LDAH: variants seen among roughly 807,000 people sequenced by gnomAD.
LDAH encodes lipid droplet-associated hydrolase.
A neutral mutation model predicts 29.6 loss-of-function variants in LDAH; 26 were observed. The ratio of observed to expected loss-of-function variants is 0.88; its 90% CI spans 0.64 to 1.22. The LOEUF (loss-of-function observed/expected upper bound fraction) is 1.22. Ranked by LOEUF, LDAH falls within the 50% of genes most tolerant of loss-of-function variation. The pLI is 0.00. For missense variants in LDAH, 344 were observed against 387.3 expected (o/e 0.89, Z 0.94); for synonymous variants, 117 against 133.0 (o/e 0.88, Z 0.83).
intron 4 of LDAH, among the ~76,000 whole-genome samples, chr2:20,761,948 AAAAATAG>A (rs1031159090): frequency 1.3e-5 from 2 of 151,950 alleles, no homozygotes; most frequent in African/African-American, 4.8e-5. Context: ...TTCAAAAATA[AAAAATAG>A]AAAAAAAAAA....
At chr2:20,743,253 A>G (rs1164389206) in intron 4 of LDAH, among the ~76,000 whole-genome samples, 2 of 150,592 alleles carry the variant, frequency 1.3e-5, no homozygotes, top group African/African-American at 4.9e-5. Flanking sequence ...AAAAAAAAAA[A>G]TTCTTCTAGT....
intron 6 of LDAH, among the ~76,000 whole-genome samples, chr2:20,690,530 A>C (rs1156292944): frequency 6.6e-6 from 1 of 152,228 alleles, no homozygotes; most frequent in African/African-American, 2.4e-5. Flanking sequence ...CTTGGCTTAC[A>C]AGTAAAACAC....
intron 5 of LDAH, among the ~76,000 whole-genome samples, chr2:20,704,226 T>C (rs1664152997): frequency 6.6e-6 from 1 of 152,202 alleles, no homozygotes; most frequent in Non-Finnish European, 1.5e-5. Context: ...TGTCTGTCTG[T>C]GATATTAGCA....
At chr2:20,778,087 G>A (rs1486799258) in intron 3 of LDAH, among the ~76,000 whole-genome samples, 1 of 152,042 alleles carries the variant, frequency 6.6e-6, no homozygotes, top group African/African-American at 2.4e-5. Context: ...TAAATTGTGG[G>A]GGAAAGAAAG....
intron 5 of LDAH, among the ~76,000 whole-genome samples, chr2:20,707,532 GTT>G (rs948726527): frequency 6.6e-6 from 1 of 152,222 alleles, no homozygotes; most frequent in Non-Finnish European, 1.5e-5. Context: ...TACCGCAGTG[GTT>G]TTTGGTAGGG....
intron 5 of LDAH, among the ~76,000 whole-genome samples, chr2:20,712,019 T>C (rs1374954545): frequency 6.6e-6 from 1 of 152,264 alleles, no homozygotes; most frequent in Non-Finnish European, 1.5e-5. Flanking sequence ...CTGACAGCTC[T>C]GAAGACAGCA....
chr2:20,688,922 G>A (rs1008455740), intron 6 of LDAH, among the ~76,000 whole-genome samples: 3 of 149,392 alleles, frequency 2.0e-5, no homozygotes, highest in Non-Finnish European at 3.0e-5. Flanking sequence ...CACGTGCCAC[G>A]GTGGTTTGCT....
chr2:20,692,040 G>A (rs1230223771), intron 6 of LDAH, among the ~76,000 whole-genome samples: 2 of 152,140 alleles, frequency 1.3e-5, no homozygotes, highest in Non-Finnish European at 2.9e-5. Context: ...TCTACAAACA[G>A]CACTGTTGGA....
At position 20,737,962 on chromosome 2, in the gene LDAH, T is replaced by C. The variant is rs1248188179; in HGVS notation, c.703+2009A>G. Among the ~76,000 whole-genome samples, 4 of 152,130 alleles carry C rather than the reference T, an allele frequency of 2.6e-5. No homozygotes were observed. In the East Asian group the frequency reaches 7.7e-4, roughly 29 times the overall value. ...TAATTTTGCTTTTAAGATAAAAATA[T>C]CGATTCTTGGGCCGGACATGGTGGC... On this transcript the variant is annotated intron_variant, in intron 5 of 6. Transcript: ENST00000237822.
intron 6 of LDAH, among the ~76,000 whole-genome samples, chr2:20,692,838 G>A (rs1026524280): frequency 3.9e-5 from 6 of 152,120 alleles, no homozygotes; most frequent in African/African-American, 7.2e-5. Context: ...GTGGTAAACG[G>A]CATTTCTGGG....
chr2:20,798,391 T>C (rs975165589), intron 2 of LDAH, among the ~76,000 whole-genome samples: 2 of 152,048 alleles, frequency 1.3e-5, no homozygotes, highest in Non-Finnish European at 2.9e-5. Context: ...CTCAAATGCA[T>C]TGAAAGGATT....
chr2:20,724,474 A>C (rs1180869621), intron 5 of LDAH, among the ~76,000 whole-genome samples: 1 of 152,230 alleles, frequency 6.6e-6, no homozygotes, highest in Non-Finnish European at 1.5e-5. Flanking sequence ...ATAAATGGGA[A>C]GAGACTGACA....
chr2:20,800,078 G>A (rs1431400359), intron 2 of LDAH, among the ~76,000 whole-genome samples: 3 of 152,226 alleles, frequency 2.0e-5, no homozygotes, highest in East Asian at 1.9e-4. Context: ...GAGAAGAAAA[G>A]TAGATCCCTT....
At chr2:20,782,834 C>T (rs1670287852) in intron 3 of LDAH, among the ~76,000 whole-genome samples, 1 of 151,694 alleles carries the variant, frequency 6.6e-6, no homozygotes, top group Admixed American at 6.6e-5. Flanking sequence ...ATTTGTGTTC[C>T]CATTTTTATC....
intron 4 of LDAH, among the ~76,000 whole-genome samples, chr2:20,769,091 C>T (rs145455876): frequency 1.6e-3 from 243 of 152,256 alleles, no homozygotes; most frequent in Non-Finnish European, 2.4e-3. Flanking sequence ...CCAGTCACAC[C>T]ACCCACTGCC....
intron 1 of LDAH, among the ~76,000 whole-genome samples, chr2:20,806,932 A>G (rs1672101607): frequency 6.6e-6 from 1 of 151,794 alleles, no homozygotes; most frequent in South Asian, 2.1e-4. Flanking sequence ...ATAATAATGA[A>G]GAGTAGATAT....
intron 5 of LDAH, among the ~76,000 whole-genome samples, chr2:20,722,711 T>TAC (rs1665746572): frequency 6.6e-6 from 1 of 152,196 alleles, no homozygotes; most frequent in African/African-American, 2.4e-5. Context: ...CTAAAATATG[T>TAC]ACAACTATTA....
intron 5 of LDAH, among the ~76,000 whole-genome samples, chr2:20,725,185 G>A (rs530359574): frequency 3.9e-5 from 6 of 152,250 alleles, no homozygotes; most frequent in African/African-American, 1.4e-4. Flanking sequence ...GGTTTGACAG[G>A]TTAGGAAAAG....
chr2:20,739,390 T>C (rs1667021229), intron 5 of LDAH, among the ~76,000 whole-genome samples: 1 of 152,242 alleles, frequency 6.6e-6, no homozygotes, highest in Non-Finnish European at 1.5e-5. Flanking sequence ...TAAAATAGTA[T>C]GATCTAAAAA....
Sources: gnomAD v4.1 joint callset for allele counts (sites outside exome capture counted in the v4.1 genomes callset) on GRCh38, gnomAD v4.1.1 for gene constraint, MANE v1.5 for transcripts, NCBI Gene and HGNC (gene_info 2026-07-23, HGNC 2026-07-21) for gene names.